Variants in EIF2AK4 observed in about 807,000 individuals in gnomAD.
EIF2AK4 encodes the protein eukaryotic translation initiation factor 2 alpha kinase 4.
A neutral mutation model predicts 211.1 loss-of-function variants in EIF2AK4; 139 were observed. That is an observed-to-expected ratio of 0.66 (90% CI 0.57 to 0.76). The LOEUF is 0.76. Ranked by LOEUF, EIF2AK4 falls within the 30% of genes least tolerant of loss-of-function variation. The pLI, the probability that EIF2AK4 is intolerant of heterozygous loss-of-function variation, is 0.00. For synonymous variants in EIF2AK4, 710 were observed against 751.3 expected (o/e 0.94, Z 0.90); for missense variants, 1,664 against 2,043.8 (o/e 0.81, Z 3.58).
At chr15:39,935,447 A>G (rs1214766586) in intron 1 of EIF2AK4, among the ~76,000 whole-genome samples, 1 of 151,768 alleles carries the variant, frequency 6.6e-6, no homozygotes, top group Non-Finnish European at 1.5e-5. Context: ...CTTCTGCCTC[A>G]GCCTGTCAAG....
intron 4 of EIF2AK4, among the ~76,000 whole-genome samples, chr15:39,953,460 C>T (rs776188928): frequency 3.4e-4 from 51 of 152,180 alleles, no homozygotes; most frequent in Non-Finnish European, 1.3e-4. Context: ...TGGGCCATGG[C>T]TACCTCAGGT....
chr15:40,032,700 G>C, intron 36 of EIF2AK4, 57 bp from the exon 37 acceptor site: 1 of 1,507,084 alleles, frequency 6.6e-7, no homozygotes, highest in Non-Finnish European at 9.2e-7. Flanking sequence ...GTGACACTAT[G>C]GTCACAAGGC....
rs777203637 is a variant in EIF2AK4 at position 39,953,981 on chromosome 15, G to A, written c.591G>A (p.Lys197=). ...AGAAAAAAAGGAAAGAAATGGCTAA[G>A]CAGGTACCCTATCAACTCCACCATA... is the stretch of plus-strand genomic sequence containing the variant. ...KEEKKRKEMA[K]QERLEIASLS... Residue 197 remains lysine, a synonymous_variant, in exon 5 of 39, where the codon AAG becomes AAA. Transcript: ENST00000263791. The A allele has an allele frequency of 8.2e-6, 13 of 1,585,052 alleles. No individual in the cohort carries two copies. The South Asian group carries it at 1.5e-4, about 18-fold the overall frequency.
chr15:39,984,553 G>A lies in EIF2AK4; in HGVS notation c.2320-1252G>A, dbSNP rs368513564. On this transcript the variant is annotated intron_variant, in intron 13 of 38. Coordinates refer to ENST00000263791, the MANE Select transcript of EIF2AK4 (RefSeq NM_001013703.4). ...TGAGCAGTGGTTTGTAGTTCTCCTTGAAGAGGTCCTTCACATCCCTTGTAA... is the reference window on the plus strand; with the variant it reads ...TGAGCAGTGGTTTGTAGTTCTCCTTAAAGAGGTCCTTCACATCCCTTGTAA... 5.3e-5 allele frequency among the ~76,000 whole-genome samples: 8 copies of A among 152,112 alleles called. No individual in the cohort carries two copies. In the East Asian group the frequency reaches 1.2e-3, roughly 22 times the overall value.
intron 15 of EIF2AK4, 79 bp from the exon 16 acceptor site, chr15:39,990,194 G>C: frequency 7.2e-7 from 1 of 1,384,580 alleles, no homozygotes. Context: ...TCATCGCTAG[G>C]TTGGCCTTTT....
At chr15:39,934,839 C>T (rs2034040543) in intron 1 of EIF2AK4, among the ~76,000 whole-genome samples, 1 of 152,220 alleles carries the variant, frequency 6.6e-6, no homozygotes, top group Admixed American at 6.5e-5. Context: ...CCCCAGGCAT[C>T]CTCACTGTGT....
Position 39,997,051 on chromosome 15 carries a change from A to C in EIF2AK4, c.2854A>C (p.Asn952His). Residue 952 changes from asparagine (N) to histidine (H), a missense_variant, in exon 19 of 39, where the codon AAC becomes CAC. This residue lies in a region of EIF2AK4 where 622 missense variants were observed against 796.8 expected (regional missense o/e 0.78). Transcript: ENST00000263791. ...VTASERIFVL[N>H]QLRDPTSPKF... ...GGCTTCAGAAAGGATCTTTGTTCTCAACCAACTCAGAGATGTATGTATCAG... is the reference window on the plus strand; with the variant it reads ...GGCTTCAGAAAGGATCTTTGTTCTCCACCAACTCAGAGATGTATGTATCAG... 1 of 1,612,642 alleles carries C rather than the reference A, an allele frequency of 6.2e-7. No individual in the cohort carries two copies. The highest frequency in any genetic ancestry group is 1.3e-5 in the African/African-American group (1 of 75,012).
intron 28 of EIF2AK4, 42 bp downstream of exon 28, chr15:40,016,714 T>C (rs1347304697): frequency 6.3e-7 from 1 of 1,597,390 alleles, no homozygotes; most frequent in Non-Finnish European, 8.5e-7. Context: ...ATGTGTAGCA[T>C]TACTAATAGC....
intron 4 of EIF2AK4, among the ~76,000 whole-genome samples, chr15:39,952,177 T>A (rs2034327094): frequency 6.6e-6 from 1 of 152,238 alleles, no homozygotes; most frequent in Non-Finnish European, 1.5e-5. Context: ...TAAAAAATCT[T>A]ACATATTTAT....
chr15:40,001,931 C>A (rs372635507), intron 21 of EIF2AK4, among the ~76,000 whole-genome samples: 2 of 151,926 alleles, frequency 1.3e-5, no homozygotes, highest in Non-Finnish European at 2.9e-5. Context: ...CATTTAATTT[C>A]TTTTAAAAAG....
chr15:39,987,243 G>A (rs895226841), intron 14 of EIF2AK4, among the ~76,000 whole-genome samples: 1 of 152,230 alleles, frequency 6.6e-6, no homozygotes, highest in African/African-American at 2.4e-5. Flanking sequence ...CAGGATCACG[G>A]TGTGGGCATC....
Position 39,967,248 on chromosome 15 carries a change from C to G in EIF2AK4, c.1018-96C>G, listed in dbSNP as rs2034556062. On this transcript the variant is annotated intron_variant, in intron 8 of 38. Coordinates refer to ENST00000263791, the MANE Select transcript of EIF2AK4 (RefSeq NM_001013703.4). ...TGGTTTTGGTTTTGTTTTTTTATGC[C>G]CCCATCTTGTATGATCAAATACTTC... The G allele has an allele frequency of 2.2e-6, 3 of 1,367,146 alleles. No individual in the cohort carries two copies. The African/African-American group carries it at 4.4e-5, about 20-fold the overall frequency. 84.7% of individuals were successfully genotyped at this position (1,367,146 alleles called of 1,614,324 possible).
In EIF2AK4 at chr15:40,017,187, G is replaced by A. The variant is rs1272681525; in HGVS notation, c.4010G>A (p.Arg1337Gln). ...TTCCAGTTTGTGGCTTTCATCAAACGAAGGCAAAGGGCTGTACCTGAAATC... is the reference window on the plus strand; with the variant it reads ...TTCCAGTTTGTGGCTTTCATCAAACAAAGGCAAAGGGCTGTACCTGAAATC... ...IIFQFVAFIK[R>Q]RQRAVPEILA... Residue 1337 changes from arginine to glutamine, a missense_variant, in exon 29 of 39, where the codon CGA becomes CAA. By Grantham distance (43) the Arg-to-Gln change is conservative (BLOSUM62 1). Around this residue, in one of 7 missense-constraint regions of EIF2AK4, gnomAD observed 622 missense variants for 796.8 expected, o/e 0.78. Coordinates refer to ENST00000263791, the MANE Select transcript of EIF2AK4 (RefSeq NM_001013703.4). The A allele has an allele frequency of 2.5e-6, 4 of 1,613,864 alleles. No individual in the cohort carries two copies. The highest frequency in any genetic ancestry group is 2.7e-5 in the African/African-American group (2 of 74,908).
At chr15:40,007,128 C>G in intron 24 of EIF2AK4, 63 bp downstream of exon 24, 1 of 1,365,924 alleles carries the variant, frequency 7.3e-7, no homozygotes, top group Non-Finnish European at 1.0e-6. Flanking sequence ...ATTTGTCAAC[C>G]AGGAAAGAAT....
At chr15:39,952,957 C>G (rs1213806418) in intron 4 of EIF2AK4, among the ~76,000 whole-genome samples, 1 of 152,168 alleles carries the variant, frequency 6.6e-6, no homozygotes, top group Non-Finnish European at 1.5e-5. Flanking sequence ...AAGCAATTCT[C>G]CTGCCTCAGC....
intron 31 of EIF2AK4, chr15:40,022,119 T>C (rs1404916601): frequency 5.9e-6 from 1 of 168,274 alleles, no homozygotes; most frequent in Non-Finnish European, 1.3e-5. Context: ...GCTTCTTCAG[T>C]TCTGCTTTTC....
chr15:40,001,925 T>G (rs748619342), intron 21 of EIF2AK4, among the ~76,000 whole-genome samples: 2 of 152,176 alleles, frequency 1.3e-5, no homozygotes, highest in Non-Finnish European at 2.9e-5. Flanking sequence ...CTTTAACATT[T>G]AATTTCTTTT....
chr15:40,000,741 G>T (rs1239292418), intron 20 of EIF2AK4, among the ~76,000 whole-genome samples: 1 of 151,460 alleles, frequency 6.6e-6, no homozygotes, highest in Admixed American at 6.6e-5. Flanking sequence ...ATTTTTTTTG[G>T]TTGTGACAAT....
chr15:39,949,105 T>G lies in EIF2AK4; in HGVS notation c.361-11T>G. 1 of 1,606,412 alleles carries G rather than the reference T, an allele frequency of 6.2e-7. No homozygotes were observed. The highest frequency in any genetic ancestry group is 1.3e-5 in the African/African-American group (1 of 74,922). ...TGATCATTTGTGGTTGATTTTTGTTTACATGTTTAGGTGATGATCTTTGAA... is the reference window on the plus strand; with the variant it reads ...TGATCATTTGTGGTTGATTTTTGTTGACATGTTTAGGTGATGATCTTTGAA... On this transcript the variant is annotated splice_polypyrimidine_tract_variant and intron_variant, in intron 3 of 38. Transcript: ENST00000263791.
Sources: allele counts gnomAD v4.1 joint callset (sites outside exome capture counted in the v4.1 genomes callset), GRCh38; gene constraint gnomAD v4.1.1; regional missense constraint gnomAD v4.1.1; transcripts MANE v1.5; gene names NCBI Gene and HGNC (gene_info 2026-07-23, HGNC 2026-07-21).